The following FBXW10 variants were observed in gnomAD, a reference collection of about 807,000 sequenced individuals.
FBXW10 encodes F-box/WD repeat-containing protein 10.
A neutral mutation model predicts 113.1 loss-of-function variants in FBXW10; 68 were observed. The ratio of observed to expected loss-of-function variants is 0.60; its 90% CI spans 0.49 to 0.74. The LOEUF (loss-of-function observed/expected upper bound fraction) is 0.74, where lower values mean the gene tolerates loss of function less well. Among genes scored for constraint, FBXW10 ranks in the 30% least tolerant of loss-of-function variants. The probability of loss-of-function intolerance (pLI) is 0.00; values close to 1 mark genes in which losing one functional copy is unlikely to be tolerated. For missense variants in FBXW10, 753 were observed against 1,284.5 expected (o/e 0.59, Z 6.32); for synonymous variants, 289 against 481.6 (o/e 0.60, Z 5.24).
intron 13 of FBXW10, among the ~76,000 whole-genome samples, chr17:18,777,839 G>C (rs538740318): frequency 6.6e-6 from 1 of 151,516 alleles, no homozygotes; most frequent in African/African-American, 2.4e-5. Context: ...CACCGCGCCC[G>C]GCCTCAACTT....
At chr17:18,757,752 A>G (rs2035294414) in intron 6 of FBXW10, among the ~76,000 whole-genome samples, 4 of 152,368 alleles carry the variant, frequency 2.6e-5, no homozygotes, top group Middle Eastern at 6.8e-3. Context: ...TAATAATCCT[A>G]TGATTGAAAG....
intron 7 of FBXW10, among the ~76,000 whole-genome samples, chr17:18,759,373 C>T (rs1182219940): frequency 1.3e-5 from 2 of 152,088 alleles, no homozygotes; most frequent in Non-Finnish European, 2.9e-5. Flanking sequence ...TTGCTTCCTT[C>T]TTATACATCT....
chr17:18,744,163 T>G lies in FBXW10; in HGVS notation c.-82T>G, dbSNP rs1253774389. On this transcript the variant is annotated 5_prime_UTR_variant, in exon 1 of 14. It adds an upstream start codon to the 5' untranslated region. Transcript: ENST00000395665. ...GAAAAGGCACAACTGGGGTATTTAT[T>G]CATTCCCCCCGTTCCTCTAGTGTTT... 4 of 1,531,838 alleles carry G rather than the reference T, an allele frequency of 2.6e-6. No homozygotes were observed. The African/African-American group carries it at 5.5e-5, about 21-fold the overall frequency. 94.9% of individuals were successfully genotyped at this position (1,531,838 alleles called of 1,614,324 possible).
chr17:18,773,756 G>A (rs1302983200), intron 12 of FBXW10, among the ~76,000 whole-genome samples: 3 of 152,214 alleles, frequency 2.0e-5, no homozygotes, highest in Non-Finnish European at 4.4e-5. Flanking sequence ...GGAAAAGTGG[G>A]TGGGAGGGGG....
Position 18,766,821 on chromosome 17 carries a change from C to A in FBXW10, c.1663C>A (p.Leu555Met). 1 of 1,611,692 alleles carries A rather than the reference C, an allele frequency of 6.2e-7. No individual in the cohort carries two copies. Among genetic ancestry groups the A allele is most frequent in the Admixed American group, 1.7e-5 (1 of 59,942 alleles). ...CATTGTGAGCAGCTGTGAGCGAGGGCTGGTGAAAGTGTGGCACATTGCCAT... is the reference window on the plus strand; with the variant it reads ...CATTGTGAGCAGCTGTGAGCGAGGGATGGTGAAAGTGTGGCACATTGCCAT... ...TYIVSSCERG[L>M]VKVWHIAMAQ... The change falls in exon 9 of 14, where the codon CTG (leucine) becomes ATG (methionine). Residue 555 changes from leucine (L) to methionine (M), a missense_variant. Transcript: ENST00000395665.
rs547763481 is a variant in FBXW10 at position 18,750,065 on chromosome 17, C to A, written c.927C>A (p.Ala309=). 65 of 1,613,112 alleles carry A rather than the reference C, an allele frequency of 4.0e-5. No individual in the cohort carries two copies. The South Asian group carries it at 6.8e-4, about 17-fold the overall frequency. ...GCGCCTCTGTGAGCCAGCACTGGGC[C>A]GCCATGGCTCAACAGGTCAAGATGG... ...NKCASVSQHW[A]AMAQQVKMDL... is the part of the protein sequence containing the mutation. Residue 309 remains alanine (A), a synonymous_variant, in exon 4 of 14, where the codon GCC becomes GCA. Transcript: ENST00000395665.
At chr17:18,753,467 C>T (rs542264617) in intron 5 of FBXW10, among the ~76,000 whole-genome samples, 9 of 152,254 alleles carry the variant, frequency 5.9e-5, no homozygotes, top group Admixed American at 2.0e-4. Flanking sequence ...TAAGAGAGTG[C>T]GGCTTCTAAT....
At chr17:18,751,187 G>C in intron 5 of FBXW10, 134 bp downstream of exon 5, 1 of 1,187,186 alleles carries the variant, frequency 8.4e-7, no homozygotes, top group Non-Finnish European at 1.2e-6. Flanking sequence ...AGGAAGACGA[G>C]AGTTCTGTGT....
rs372776041 is a variant in FBXW10, at chr17:18,768,700, C to A, written c.1847+24C>A. ...AAGTAGGTGCCTGTGAAGCCCGGAG[C>A]GATGAACCTGGTGTCCTTCCCTTCC... On this transcript the variant is annotated intron_variant, in intron 10 of 13. Transcript: ENST00000395665. The A allele has an allele frequency of 2.5e-6, 4 of 1,612,594 alleles. No homozygotes were observed. The Admixed American group carries it at 5.0e-5, about 20-fold the overall frequency.
rs528345764 is a variant in FBXW10 at position 18,766,692 on chromosome 17, C to T, written c.1556-22C>T. Reference sequence around the variant, plus strand: ...CCCTTTTTCCCCACTCCCATGTCTTCCTCTCTCTCCCTCCTGTTCAGTATG... The same window carrying T: ...CCCTTTTTCCCCACTCCCATGTCTTTCTCTCTCTCCCTCCTGTTCAGTATG... On this transcript the variant is annotated intron_variant, in intron 8 of 13. Coordinates refer to ENST00000395665, the MANE Select transcript of FBXW10 (RefSeq NM_001267585.2). The T allele has an allele frequency of 9.7e-5, 156 of 1,611,718 alleles. 3 individuals are homozygous for T. The South Asian group carries it at 1.6e-3, about 17-fold the overall frequency.
At chr17:18,773,268 T>G (rs1333839669) in intron 12 of FBXW10, among the ~76,000 whole-genome samples, 1 of 152,106 alleles carries the variant, frequency 6.6e-6, no homozygotes, top group Non-Finnish European at 1.5e-5. Flanking sequence ...TAAGAACCTT[T>G]GCACAGTAGA....
At position 18,762,461 on chromosome 17, in the gene FBXW10, G is replaced by A. The variant is rs547285516; in HGVS notation, c.1434-2281G>A. 1.4e-4 allele frequency among the ~76,000 whole-genome samples: 21 copies of A among 151,608 alleles called. 1 individual carries two copies. In the East Asian group the frequency reaches 2.5e-3, roughly 18 times the overall value. On this transcript the variant is annotated intron_variant, in intron 7 of 13. Transcript: ENST00000395665. ...GCCTCCCGAGTAGCTGGGACTACAG[G>A]CATGTGCCACCACGCCCGGCGGCTA...
chr17:18,760,910 C>T (rs1339557735), intron 7 of FBXW10, among the ~76,000 whole-genome samples: 1 of 151,818 alleles, frequency 6.6e-6, no homozygotes, highest in Admixed American at 6.6e-5. Flanking sequence ...CTTCTATCAA[C>T]ATTACAGTTT....
Position 18,750,977 on chromosome 17 carries a change from C to T in FBXW10, c.1046C>T (p.Ser349Phe), listed in dbSNP as rs1420068122. The change falls in exon 5 of 14, where the codon TCT (serine) becomes TTT (phenylalanine). Residue 349 changes from serine to phenylalanine, a missense_variant. Ser to Phe is a radical substitution (Grantham distance 155). Transcript: ENST00000395665. ...GIDPNYANKVSIPVPKMVDDG... is the reference protein window; with the variant it reads ...GIDPNYANKVFIPVPKMVDDG... ...GATCCTAATTATGCCAATAAGGTTT[C>T]TATCCCAGTTCCTAAAATGGTAGAT... 1 of 1,614,006 alleles carries T rather than the reference C, an allele frequency of 6.2e-7. No individual in the cohort carries two copies. The highest frequency in any genetic ancestry group is 1.3e-5 in the African/African-American group (1 of 74,906).
At chr17:18,770,654 A>G (rs2035595047) in intron 11 of FBXW10, among the ~76,000 whole-genome samples, 2 of 152,070 alleles carry the variant, frequency 1.3e-5, no homozygotes, top group Admixed American at 1.3e-4. Flanking sequence ...AGTGGGTGCA[A>G]CATAACGCTT....
intron 1 of FBXW10, among the ~76,000 whole-genome samples, chr17:18,747,251 G>C (rs1409978533): frequency 2.6e-5 from 4 of 152,102 alleles, no homozygotes; most frequent in Non-Finnish European, 5.9e-5. Flanking sequence ...TCTTAGAGCA[G>C]ATTCTCTCTT....
At chr17:18,759,454 G>A (rs1449142187) in intron 7 of FBXW10, among the ~76,000 whole-genome samples, 1 of 151,924 alleles carries the variant, frequency 6.6e-6, no homozygotes, top group Non-Finnish European at 1.5e-5. Context: ...AAAATTTGTT[G>A]GTACCTCATT....
intron 2 of FBXW10, among the ~76,000 whole-genome samples, chr17:18,748,715 T>A (rs1050680591): frequency 8.5e-5 from 13 of 152,166 alleles, no homozygotes; most frequent in Non-Finnish European, 1.5e-5. Context: ...AAGGAAACTA[T>A]CAATGATTTC....
rs998141147 is a variant in FBXW10 at position 18,778,935 on chromosome 17, T to C, written c.2796T>C (p.Ile932=). 1.2e-6 allele frequency: 2 copies of C among 1,611,552 alleles called. No individual in the cohort carries two copies. Among genetic ancestry groups the C allele is most frequent in the Non-Finnish European group, 1.7e-6 (2 of 1,178,772 alleles). The change falls in exon 14 of 14, where the codon ATT becomes ATC. Residue 932 remains isoleucine, a synonymous_variant. Coordinates refer to ENST00000395665, the MANE Select transcript of FBXW10 (RefSeq NM_001267585.2). ...LKGGDQVTSS[I]ERAVCSTGPL... ...GTGGAGACCAAGTGACCAGTTCAAT[T>C]GAAAGGGCTGTGTGCAGTACGGGTC...
Sources: gnomAD v4.1 joint callset for allele counts (sites outside exome capture counted in the v4.1 genomes callset) on GRCh38, gnomAD v4.1.1 for gene constraint, MANE v1.5 for transcripts, NCBI Gene and HGNC (gene_info 2026-07-23, HGNC 2026-07-21) for gene names.